MDGA2: variants seen among roughly 807,000 people sequenced by gnomAD.
MDGA2 encodes MAM domain containing glycosylphosphatidylinositol anchor 2.
Under a neutral mutation model 117.8 loss-of-function variants are expected in MDGA2, and 40 were observed. That is an observed-to-expected ratio of 0.34 (90% CI 0.26 to 0.44). The LOEUF is 0.44. MDGA2 is among the 20% of genes least tolerant of loss of function. The pLI is 1.00. For synonymous variants in MDGA2, 452 were observed against 439.0 expected (o/e 1.03, Z -0.37); for missense variants, 1,123 against 1,250.6 (o/e 0.90, Z 1.54).
chr14:47,051,923 C>A (rs1594568659), intron 7 of MDGA2, among the ~76,000 whole-genome samples: 1 of 152,016 alleles, frequency 6.6e-6, no homozygotes. Context: ...TCCTATACCT[C>A]TATCTTCTCC....
chr14:47,090,428 TTTCA>T (rs923189703), intron 6 of MDGA2, among the ~76,000 whole-genome samples: 21 of 152,216 alleles, frequency 1.4e-4, no homozygotes, highest in African/African-American at 4.8e-4. Flanking sequence ...AAAGAGCACA[TTTCA>T]TTGATTCTAA....
chr14:47,147,646 G>T (rs1038473068), intron 3 of MDGA2, among the ~76,000 whole-genome samples: 6 of 152,174 alleles, frequency 3.9e-5, no homozygotes, highest in African/African-American at 1.2e-4. Flanking sequence ...ACTCTCAGCA[G>T]CGGGAGGAAT....
intron 7 of MDGA2, chr14:47,059,477 GA>G: frequency 7.5e-6 from 3 of 402,324 alleles, no homozygotes; most frequent in South Asian, 6.4e-5. Context: ...AGGATTGGTG[GA>G]AATTTCACAA....
intron 8 of MDGA2, among the ~76,000 whole-genome samples, chr14:47,001,142 T>C (rs1887516959): frequency 2.6e-5 from 4 of 151,836 alleles, no homozygotes; most frequent in Non-Finnish European, 2.9e-5. Context: ...AGGAACAAGA[T>C]GGAAAAAATT....
chr14:46,956,927 T>A (rs78873050), intron 9 of MDGA2, among the ~76,000 whole-genome samples: 2,794 of 152,216 alleles, frequency 0.018, 74 homozygotes, highest in African/African-American at 0.063. Context: ...CTTCACTCTC[T>A]CTCTCTTTGC....
intron 10 of MDGA2, among the ~76,000 whole-genome samples, chr14:46,893,199 G>C (rs1882947603): frequency 6.6e-6 from 1 of 151,948 alleles, no homozygotes; most frequent in African/African-American, 2.4e-5. Context: ...TGCAACAGCA[G>C]GGCGGACCTA....
At chr14:47,432,602 A>T (rs1446852730) in intron 1 of MDGA2, among the ~76,000 whole-genome samples, 16 of 152,078 alleles carry the variant, frequency 1.1e-4, no homozygotes, top group Non-Finnish European at 5.9e-5. Flanking sequence ...CAAAGGCCTT[A>T]TGAACTACCT....
chr14:46,959,913 CT>C (rs1015216273), intron 8 of MDGA2, among the ~76,000 whole-genome samples: 1 of 152,050 alleles, frequency 6.6e-6, no homozygotes, highest in African/African-American at 2.4e-5. Context: ...TTTCAATCCT[CT>C]TTTTTTAATA....
chr14:47,517,089 G>T (rs1006878691), intron 1 of MDGA2, among the ~76,000 whole-genome samples: 1 of 152,130 alleles, frequency 6.6e-6, no homozygotes, highest in Non-Finnish European at 1.5e-5. Context: ...GTCAATAAAT[G>T]TTTTCACATA....
intron 1 of MDGA2, among the ~76,000 whole-genome samples, chr14:47,313,638 T>A (rs564654049): frequency 5.6e-4 from 86 of 152,306 alleles, no homozygotes; most frequent in African/African-American, 2.0e-3. Context: ...ACATGTTCAA[T>A]GTTGTTCTAT....
chr14:47,358,391 T>C (rs971656734), intron 1 of MDGA2, among the ~76,000 whole-genome samples: 1 of 152,206 alleles, frequency 6.6e-6, no homozygotes, highest in African/African-American at 2.4e-5. Context: ...GTTGTGGTCA[T>C]TAGACTGTCA....
chr14:47,007,038 G>A (rs981924030), intron 8 of MDGA2, among the ~76,000 whole-genome samples: 5 of 151,644 alleles, frequency 3.3e-5, no homozygotes, highest in African/African-American at 1.2e-4. Flanking sequence ...AGAATATTTC[G>A]TTTTAAAAGT....
chr14:47,454,206 T>C (rs186276313), intron 1 of MDGA2, among the ~76,000 whole-genome samples: 208 of 152,192 alleles, frequency 1.4e-3, no homozygotes, highest in Admixed American at 8.1e-3. Flanking sequence ...TCCAGGGAGG[T>C]GGGAGAGTGT....
intron 1 of MDGA2, among the ~76,000 whole-genome samples, chr14:47,639,707 G>C (rs1186948436): frequency 6.6e-6 from 1 of 151,998 alleles, no homozygotes; most frequent in African/African-American, 2.4e-5. Flanking sequence ...TCCCAGTTCA[G>C]CTCCTACCAG....
chr14:47,612,640 G>T (rs548709497), intron 1 of MDGA2, among the ~76,000 whole-genome samples: 31 of 152,148 alleles, frequency 2.0e-4, no homozygotes, highest in Non-Finnish European at 3.5e-4. Context: ...ATTTGGGTAT[G>T]CTTCTATACC....
intron 5 of MDGA2, among the ~76,000 whole-genome samples, chr14:47,112,359 C>T (rs1881089103): frequency 6.6e-6 from 1 of 152,174 alleles, no homozygotes; most frequent in Admixed American, 6.5e-5. Context: ...AGGTATTAAG[C>T]CTGGCATTCA....
At chr14:47,000,373 A>G (rs1437471194) in intron 8 of MDGA2, among the ~76,000 whole-genome samples, 1 of 89,674 alleles carries the variant, frequency 1.1e-5, no homozygotes. Context: ...ATGTATATAT[A>G]TATTTATATA....
intron 5 of MDGA2, among the ~76,000 whole-genome samples, chr14:47,113,974 T>C (rs1286592340): frequency 2.6e-5 from 4 of 152,118 alleles, no homozygotes; most frequent in Non-Finnish European, 5.9e-5. Flanking sequence ...ACTGTATCTA[T>C]TTGCAGATGA....
At chr14:47,200,838 AT>A in intron 3 of MDGA2, 1 of 823,932 alleles carries the variant, frequency 1.2e-6, no homozygotes, top group East Asian at 2.5e-5. Flanking sequence ...GCCACCATCC[AT>A]TTTTTCTTGT....
Sources: allele counts gnomAD v4.1 joint callset (sites outside exome capture counted in the v4.1 genomes callset), GRCh38; gene constraint gnomAD v4.1.1; transcripts MANE v1.5; gene names NCBI Gene and HGNC (gene_info 2026-07-23, HGNC 2026-07-21).